Variants in DNAJC16 observed in about 807,000 individuals in gnomAD.
DNAJC16 encodes DnaJ heat shock protein family (Hsp40) member C16.
A neutral mutation model predicts 92.7 loss-of-function variants in DNAJC16; 76 were observed. The ratio of observed to expected loss-of-function variants is 0.82; its 90% CI spans 0.68 to 0.99. The LOEUF is 0.99. Ranked by LOEUF, DNAJC16 falls within the 50% of genes least tolerant of loss-of-function variation. The pLI is 0.00. For synonymous variants in DNAJC16, 328 were observed against 358.7 expected (o/e 0.91, Z 0.97); for missense variants, 869 against 942.4 (o/e 0.92, Z 1.02).
intron 2 of DNAJC16, among the ~76,000 whole-genome samples, chr1:15,533,047 A>G (rs996576189): frequency 1.3e-5 from 2 of 152,308 alleles, no homozygotes; most frequent in East Asian, 3.9e-4. Flanking sequence ...TGTCAGAGGA[A>G]ATTTACTAGA....
In DNAJC16 at chr1:15,569,674, C is replaced by G. The variant is rs1189698488; in HGVS notation, c.*1497C>G. The G allele has an allele frequency of 3.7e-5, 5 of 135,208 alleles. No individual in the cohort carries two copies. Among genetic ancestry groups the G allele is most frequent in the Admixed American group, 3.1e-4 (4 of 12,860 alleles). 8.4% of individuals were successfully genotyped at this position (135,208 alleles called of 1,614,324 possible). A position where few individuals can be genotyped will look rare whatever the true frequency, so the allele number is the denominator to read the frequency against. On this transcript the variant is annotated 3_prime_UTR_variant, in exon 15 of 15. Transcript: ENST00000375847. Reference sequence around the variant, plus strand: ...TTAGTTGTTGAGACAGAGTTTCACTCTTGTTGCCCAGGCTGGAGTGAAATG... The same window carrying G: ...TTAGTTGTTGAGACAGAGTTTCACTGTTGTTGCCCAGGCTGGAGTGAAATG...
intron 4 of DNAJC16, among the ~76,000 whole-genome samples, chr1:15,538,809 T>A: frequency 6.6e-6 from 1 of 152,248 alleles, no homozygotes; most frequent in East Asian, 1.9e-4. Context: ...TCCTAAATAC[T>A]GGCAAAAATA....
chr1:15,542,691 A>G (rs1415406445), intron 4 of DNAJC16, among the ~76,000 whole-genome samples: 1 of 152,238 alleles, frequency 6.6e-6, no homozygotes, highest in African/African-American at 2.4e-5. Flanking sequence ...CTTCACCTGC[A>G]GGACCTGATG....
At chr1:15,553,885 G>A (rs1452100744) in intron 7 of DNAJC16, among the ~76,000 whole-genome samples, 2 of 152,014 alleles carry the variant, frequency 1.3e-5, no homozygotes, top group African/African-American at 4.8e-5. Flanking sequence ...GTCATTATTT[G>A]GAGTTTTATC....
intron 7 of DNAJC16, among the ~76,000 whole-genome samples, chr1:15,557,396 T>C (rs1638591362): frequency 6.6e-6 from 1 of 152,236 alleles, no homozygotes; most frequent in East Asian, 1.9e-4. Flanking sequence ...CCTTCTCTTT[T>C]GTTTTCATGG....
intron 5 of DNAJC16, 96 bp downstream of exon 5, chr1:15,544,679 C>G (rs747741060): frequency 4.5e-5 from 56 of 1,254,368 alleles, no homozygotes; most frequent in Non-Finnish European, 6.0e-5. Context: ...CCTCTCAAAC[C>G]TGAGTTTCAT....
intron 2 of DNAJC16, among the ~76,000 whole-genome samples, chr1:15,531,062 T>C (rs1710649403): frequency 1.3e-5 from 2 of 152,204 alleles, no homozygotes; most frequent in African/African-American, 4.8e-5. Flanking sequence ...GTTCCGTAGT[T>C]TGACCCTCTG....
chr1:15,561,200 G>A (rs901775130), intron 8 of DNAJC16, among the ~76,000 whole-genome samples: 1 of 151,792 alleles, frequency 6.6e-6, no homozygotes, highest in Non-Finnish European at 1.5e-5. Flanking sequence ...GCTCCATGAG[G>A]GCAATAATAT....
At chr1:15,559,396 C>T in intron 7 of DNAJC16, 130 bp from the exon 8 acceptor site, 1 of 1,231,570 alleles carries the variant, frequency 8.1e-7, no homozygotes, top group South Asian at 1.4e-5. Flanking sequence ...TCAAACAGGT[C>T]TGTCTTGTTT....
intron 7 of DNAJC16, among the ~76,000 whole-genome samples, chr1:15,551,267 A>G (rs1308173491): frequency 1.3e-5 from 2 of 152,194 alleles, no homozygotes; most frequent in East Asian, 1.9e-4. Flanking sequence ...ATTCTGTGTG[A>G]TGAGCTGGGA....
intron 9 of DNAJC16, among the ~76,000 whole-genome samples, chr1:15,562,811 C>T (rs188884465): frequency 6.6e-6 from 1 of 151,746 alleles, no homozygotes; most frequent in East Asian, 1.9e-4. Context: ...AGTTTTTGAC[C>T]TGGTCTTTTT....
chr1:15,528,459 A>G (rs1171602125), intron 1 of DNAJC16, among the ~76,000 whole-genome samples: 4 of 152,002 alleles, frequency 2.6e-5, no homozygotes, highest in Non-Finnish European at 5.9e-5. Context: ...AAAACACCAT[A>G]TTACTAATGA....
At chr1:15,538,896 C>T (rs1362425931) in intron 4 of DNAJC16, among the ~76,000 whole-genome samples, 1 of 152,136 alleles carries the variant, frequency 6.6e-6, no homozygotes, top group Non-Finnish European at 1.5e-5. Context: ...GGTTAGTGTA[C>T]CAGCATGTTT....
At chr1:15,530,759 C>T (rs979113330) in intron 2 of DNAJC16, among the ~76,000 whole-genome samples, 3 of 152,212 alleles carry the variant, frequency 2.0e-5, no homozygotes, top group Non-Finnish European at 4.4e-5. Flanking sequence ...ACAATCTTGG[C>T]TCACTGTAAC....
intron 3 of DNAJC16, among the ~76,000 whole-genome samples, chr1:15,534,565 T>C (rs1710737788): frequency 6.6e-6 from 1 of 151,678 alleles, no homozygotes; most frequent in Non-Finnish European, 1.5e-5. Flanking sequence ...TTACTAAAAA[T>C]ACAAAAAAAA....
In DNAJC16 at chr1:15,529,193, C is replaced by A; in HGVS notation, c.88C>A (p.Pro30Thr). ...AATTCTGTCTGCGTTGGATTTTGAC[C>A]CATACAGAGTCCTAGGGGTCAGCCG... ...LQILSALDFD[P>T]YRVLGVSRTA... The change falls in exon 2 of 15, where the codon CCA (proline) becomes ACA (threonine). Residue 30 changes from proline (P) to threonine (T), a missense_variant. Pro to Thr is a conservative substitution (Grantham distance 38, BLOSUM62 -1). Coordinates refer to ENST00000375847, the MANE Select transcript of DNAJC16 (RefSeq NM_015291.4). 6.2e-7 allele frequency: 1 copy of A among 1,614,018 alleles called. No homozygotes were observed.
rs1638852903 is a variant in DNAJC16 at position 15,567,776 on chromosome 1, A to G, written c.1950-2A>G. ...GAGTCCTCAATTCTCTTCTTCCTAC[A>G]GGAGCAGCTGCCTACACTTCTCCTT... On this transcript the variant is annotated splice_acceptor_variant, in intron 14 of 14. Coordinates refer to ENST00000375847, the MANE Select transcript of DNAJC16 (RefSeq NM_015291.4). LOFTEE classifies it high-confidence loss of function. The G allele has an allele frequency of 6.2e-7, 1 of 1,611,204 alleles. No individual in the cohort carries two copies. The highest frequency in any genetic ancestry group is 1.1e-5 in the South Asian group (1 of 90,676).
At chr1:15,544,912 A>C (rs923996446) in intron 5 of DNAJC16, among the ~76,000 whole-genome samples, 4 of 152,184 alleles carry the variant, frequency 2.6e-5, no homozygotes, top group South Asian at 4.1e-4. Context: ...TGTTAGAAAG[A>C]ATTAGGGATT....
In DNAJC16 at chr1:15,568,057, CT is replaced by C; in HGVS notation, c.2230del (p.Cys744ValfsTer12). 1 of 1,614,206 alleles carries C rather than the reference CT, an allele frequency of 6.2e-7. No homozygotes were observed. Among genetic ancestry groups the C allele is most frequent in the South Asian group, 1.1e-5 (1 of 91,086 alleles). ...TGGGTGAATCTCGAGGGAAACCTTC[CT>C]GTGGCCTTGGATCCAGGCCCATCAA... ...YLGESRGKPS[C>X]GLGSRPIKGK... On this transcript the variant is annotated frameshift_variant, in exon 15 of 15. Transcript: ENST00000375847. LOFTEE classifies it high-confidence loss of function.
Sources: gnomAD v4.1 joint callset for allele counts (sites outside exome capture counted in the v4.1 genomes callset) on GRCh38, gnomAD v4.1.1 for gene constraint, MANE v1.5 for transcripts, NCBI Gene and HGNC (gene_info 2026-07-23, HGNC 2026-07-21) for gene names.